EPYC: variants seen among roughly 807,000 people sequenced by gnomAD.
EPYC encodes epiphycan.
EPYC carries 28 observed loss-of-function variants against 30.1 expected under a neutral mutation model. That is an observed-to-expected ratio of 0.93 (90% CI 0.69 to 1.28). The LOEUF is 1.28. Among genes scored for constraint, EPYC ranks in the 50% most tolerant of loss-of-function variants. EPYC has a pLI of 0.00. For synonymous variants in EPYC, 144 were observed against 141.4 expected, an observed-to-expected ratio of 1.02 and a Z score of -0.13; for missense variants, 382 against 383.5, an observed-to-expected ratio of 1.00 and a Z score of 0.03.
At chr12:90,971,668 A>C (rs948166879) in intron 5 of EPYC, 132 bp downstream of exon 5, 1 of 225,972 alleles carries the variant, frequency 4.4e-6, no homozygotes, top group Non-Finnish European at 6.8e-6. Flanking sequence ...GTGAGACCCT[A>C]TCTCAATAAA....
intron 5 of EPYC, 56 bp from the exon 6 acceptor site, chr12:90,970,195 A>G: frequency 2.3e-6 from 3 of 1,293,828 alleles, no homozygotes; most frequent in Non-Finnish European, 3.3e-6. Context: ...ACTCAATAAG[A>G]AATAAAAAAC....
chr12:90,986,874 T>C (rs2120844669), intron 2 of EPYC, among the ~76,000 whole-genome samples: 1 of 152,292 alleles, frequency 6.6e-6, no homozygotes, highest in African/African-American at 2.4e-5. Context: ...TGTGAGTATT[T>C]GATTAATCTC....
intron 5 of EPYC, 45 bp from the exon 6 acceptor site, chr12:90,970,184 AACTCAAT>A: frequency 1.5e-6 from 2 of 1,368,346 alleles, no homozygotes; most frequent in Non-Finnish European, 2.1e-6. Context: ...ACTCAATAAA[AACTCAAT>A]AAGAAATAAA....
At chr12:91,003,588 A>C (rs965664537) in intron 1 of EPYC, among the ~76,000 whole-genome samples, 1 of 152,076 alleles carries the variant, frequency 6.6e-6, no homozygotes, top group African/African-American at 2.4e-5. Context: ...GTTTAGAAAA[A>C]AAATCTTCAC....
Position 91,002,484 on chromosome 12 carries a change from A to T in EPYC, c.82T>A (p.Tyr28Asn), listed in dbSNP as rs1231940116. ...GTGGCATCATAGGTTTCTGAGTCAT[A>T]GTTGATGGACTCTAGAGTTGGGGCA... ...VTAPTLESIN[Y>N]DSETYDATLE... is the part of the protein sequence containing the mutation. The change falls in exon 2 of 7, where the codon TAT becomes AAT. Residue 28 changes from tyrosine (Y) to asparagine (N), a missense_variant. Tyr to Asn is a moderately radical substitution (Grantham distance 143). Coordinates refer to ENST00000261172, the MANE Select transcript of EPYC (RefSeq NM_004950.5). The T allele has an allele frequency of 6.2e-7, 1 of 1,613,258 alleles. No homozygotes were observed. Among genetic ancestry groups the T allele is most frequent in the East Asian group, 2.2e-5 (1 of 44,814 alleles).
At chr12:90,989,154 A>G (rs941671643) in intron 2 of EPYC, among the ~76,000 whole-genome samples, 1 of 152,080 alleles carries the variant, frequency 6.6e-6, no homozygotes, top group African/African-American at 2.4e-5. Flanking sequence ...ATTTTAAGGG[A>G]TGACTAATTA....
intron 3 of EPYC, among the ~76,000 whole-genome samples, chr12:90,977,575 T>G (rs576304849): frequency 1.3e-5 from 2 of 152,224 alleles, no homozygotes; most frequent in African/African-American, 2.4e-5. Context: ...TGAATTATGG[T>G]TTTCTCCATG....
chr12:90,975,230 A>T (rs1434969157), intron 3 of EPYC, among the ~76,000 whole-genome samples: 1 of 152,112 alleles, frequency 6.6e-6, no homozygotes, highest in Admixed American at 6.6e-5. Flanking sequence ...AAAAATTTTA[A>T]GAGTTAAGGC....
intron 2 of EPYC, among the ~76,000 whole-genome samples, chr12:90,985,180 C>T (rs1341227718): frequency 1.3e-5 from 2 of 152,270 alleles, no homozygotes; most frequent in African/African-American, 2.4e-5. Flanking sequence ...GAGTCATAAA[C>T]ATCTGCTGAC....
chr12:91,004,556 A>G (rs941987213), intron 1 of EPYC, among the ~76,000 whole-genome samples: 8 of 152,188 alleles, frequency 5.3e-5, no homozygotes, highest in Non-Finnish European at 1.0e-4. Flanking sequence ...AATCATTACA[A>G]TACTTTTAAT....
At chr12:90,965,665 C>A (rs1364910088) in intron 6 of EPYC, among the ~76,000 whole-genome samples, 5 of 151,956 alleles carry the variant, frequency 3.3e-5, no homozygotes, top group Non-Finnish European at 5.9e-5. Flanking sequence ...TTTATTAGTT[C>A]AAATACTTTA....
intron 2 of EPYC, among the ~76,000 whole-genome samples, chr12:90,984,616 T>C (rs1877404121): frequency 6.6e-6 from 1 of 152,172 alleles, no homozygotes; most frequent in Admixed American, 6.5e-5. Flanking sequence ...AAATATCTTA[T>C]GTTCAAGCTT....
chr12:90,970,396 A>G (rs544638971), intron 5 of EPYC, among the ~76,000 whole-genome samples: 1 of 152,322 alleles, frequency 6.6e-6, no homozygotes, highest in Non-Finnish European at 1.5e-5. Flanking sequence ...GTCTCTAGGA[A>G]GAACCATGTT....
chr12:90,988,749 A>G (rs1397171064), intron 2 of EPYC, among the ~76,000 whole-genome samples: 4 of 152,146 alleles, frequency 2.6e-5, no homozygotes, highest in East Asian at 1.9e-4. Context: ...AAGAGATTCT[A>G]TCTTGCTGAC....
rs377490769 is a variant in EPYC, at chr12:90,978,980, C to G, written c.166-718G>C. 2.0e-5 allele frequency among the ~76,000 whole-genome samples: 3 copies of G among 152,148 alleles called. No individual in the cohort carries two copies. The East Asian group carries it at 5.8e-4, about 29-fold the overall frequency. On this transcript the variant is annotated intron_variant, in intron 2 of 6. Transcript: ENST00000261172. ...CTTTGAGAACGTTGACACTAGGAGG[C>G]AGTTATAAAATTACAAAATTATTCA...
intron 2 of EPYC, among the ~76,000 whole-genome samples, chr12:90,991,520 T>C (rs1396996953): frequency 6.6e-6 from 1 of 152,130 alleles, no homozygotes; most frequent in East Asian, 1.9e-4. Context: ...GTTACTGATT[T>C]ATGAAATGTA....
chr12:90,991,743 A>T (rs1361501756), intron 2 of EPYC, among the ~76,000 whole-genome samples: 1 of 152,158 alleles, frequency 6.6e-6, no homozygotes, highest in Non-Finnish European at 1.5e-5. Context: ...AAATCATTCC[A>T]ATTTCAGTAG....
intron 2 of EPYC, among the ~76,000 whole-genome samples, chr12:90,982,368 G>A (rs559849509): frequency 9.9e-5 from 15 of 151,910 alleles, no homozygotes; most frequent in African/African-American, 2.2e-4. Flanking sequence ...TGACAGTTAC[G>A]CAACTATCAC....
At chr12:90,993,207 T>C (rs994408466) in intron 2 of EPYC, among the ~76,000 whole-genome samples, 1 of 152,176 alleles carries the variant, frequency 6.6e-6, no homozygotes, top group African/African-American at 2.4e-5. Context: ...TGACTATCAA[T>C]TGCATACATT....
Sources: allele counts gnomAD v4.1 joint callset (sites outside exome capture counted in the v4.1 genomes callset), GRCh38; gene constraint gnomAD v4.1.1; transcripts MANE v1.5; gene names NCBI Gene and HGNC (gene_info 2026-07-23, HGNC 2026-07-21).